The following THBS4 variants were observed in gnomAD, a reference collection of about 807,000 sequenced individuals.
THBS4 encodes the protein thrombospondin-4.
Under a neutral mutation model 115.7 loss-of-function variants are expected in THBS4, and 90 were observed. The ratio of observed to expected loss-of-function variants is 0.78; its 90% confidence interval spans 0.66 to 0.93. The LOEUF (loss-of-function observed/expected upper bound fraction) is 0.93. Among genes scored for constraint, THBS4 ranks in the 40% least tolerant of loss-of-function variants. The probability of loss-of-function intolerance (pLI) is 0.00; values close to 1 mark genes in which losing one functional copy is unlikely to be tolerated. For synonymous variants in THBS4, 460 were observed against 479.3 expected (o/e 0.96, Z 0.53); for missense variants, 1,087 against 1,232.7 (o/e 0.88, Z 1.77).
rs1561308157 is a variant in THBS4, at chr5:80,047,635, T to TA, written c.292+7355_292+7356insA. ...CCAGTCTGGGTAAAAAATTAAGAATTTTTTTTTTTTTTTTTTGAGACAGAG... is the reference window on the plus strand; with the variant it reads ...CCAGTCTGGGTAAAAAATTAAGAATTATTTTTTTTTTTTTTTTGAGACAGAG... On this transcript the variant is annotated intron_variant, in intron 2 of 21. Coordinates refer to ENST00000350881, the MANE Select transcript of THBS4 (RefSeq NM_003248.6). 1.0e-3 allele frequency among the ~76,000 whole-genome samples: 74 copies of TA among 72,752 alleles called. 1 individual carries two copies. In the East Asian group the frequency reaches 0.015, roughly 15 times the overall value. 47.7% of individuals were successfully genotyped at this position (72,752 alleles called of 152,430 possible).
At position 80,068,051 on chromosome 5, in the gene THBS4, A is replaced by G. The variant is rs376396297; in HGVS notation, c.1273A>G (p.Arg425Gly). The G allele has an allele frequency of 1.2e-6, 2 of 1,614,242 alleles. No homozygotes were observed. Among genetic ancestry groups the G allele is most frequent in the Non-Finnish European group, 1.7e-6 (2 of 1,180,040 alleles). The change falls in exon 10 of 22, where the codon AGA becomes GGA. Residue 425 changes from arginine to glycine, a missense_variant. Around this residue, in one of 3 missense-constraint regions of THBS4, gnomAD observed 979 missense variants for 1,103.7 expected, o/e 0.89. Transcript: ENST00000350881. Reference sequence around the variant, plus strand: ...GGGATGCAAAGCGGAAAGAAACTGCAGAAACCCAGAGCTGAACCCTTGCAG... The same window carrying G: ...GGGATGCAAAGCGGAAAGAAACTGCGGAAACCCAGAGCTGAACCCTTGCAG... ...IRGCKAERNC[R>G]NPELNPCSVN...
chr5:80,004,183 G>A (rs1419307235), intron 2 of THBS4, among the ~76,000 whole-genome samples: 1 of 152,184 alleles, frequency 6.6e-6, no homozygotes, highest in Non-Finnish European at 1.5e-5. Flanking sequence ...GGTTTTTCAG[G>A]TGTCATTCAG....
intron 2 of THBS4, among the ~76,000 whole-genome samples, chr5:80,020,673 A>G (rs1832353164): frequency 6.6e-6 from 1 of 152,112 alleles, no homozygotes; most frequent in Non-Finnish European, 1.5e-5. Context: ...CTGAATGAGG[A>G]AAGAACGTGG....
chr5:80,063,226 T>TCTAA (rs1385002423), intron 8 of THBS4, among the ~76,000 whole-genome samples: 7 of 152,232 alleles, frequency 4.6e-5, no homozygotes, highest in African/African-American at 1.7e-4. Flanking sequence ...TGATCGCCAT[T>TCTAA]CTAACTGGTG....
At chr5:80,066,914 A>G (rs912054513) in intron 9 of THBS4, 1 of 152,240 alleles carries the variant, frequency 6.6e-6, no homozygotes, top group Non-Finnish European at 1.5e-5. Flanking sequence ...AACTGATAGC[A>G]CAGCCAGGGA....
intron 9 of THBS4, chr5:80,067,123 A>AT (rs1833857149): frequency 6.6e-6 from 1 of 151,960 alleles, no homozygotes; most frequent in Non-Finnish European, 1.5e-5. Context: ...ATAATACTAT[A>AT]TTATATATAT....
intron 2 of THBS4, among the ~76,000 whole-genome samples, chr5:80,022,023 G>C (rs2151158835): frequency 6.6e-6 from 1 of 152,218 alleles, no homozygotes; most frequent in South Asian, 2.1e-4. Context: ...CCTACACTGA[G>C]GGTGCGACTC....
intron 1 of THBS4, among the ~76,000 whole-genome samples, chr5:80,038,166 A>C (rs1832776204): frequency 6.6e-6 from 1 of 152,180 alleles, no homozygotes; most frequent in Non-Finnish European, 1.5e-5. Flanking sequence ...TAAGCAAAAA[A>C]TAAAATAAAA....
intron 2 of THBS4, among the ~76,000 whole-genome samples, chr5:80,021,233 C>T (rs556836950): frequency 1.2e-4 from 18 of 152,242 alleles, no homozygotes; most frequent in Non-Finnish European, 1.9e-4. Context: ...AACTGCAAGT[C>T]CATGTGAAAC....
upstream of THBS4, chr5:80,033,287 G>A: frequency 2.9e-6 from 1 of 340,938 alleles, no homozygotes; most frequent in South Asian, 3.0e-5. Flanking sequence ...AGCAGCACGT[G>A]GTGCATTGTC....
intron 2 of THBS4, among the ~76,000 whole-genome samples, chr5:80,048,938 A>G (rs1561308789): frequency 6.6e-6 from 1 of 152,212 alleles, no homozygotes; most frequent in Non-Finnish European, 1.5e-5. Context: ...AGAAGAGGAA[A>G]GATTGACAAT....
chr5:79,996,261 G>C (rs1461371562), intron 1 of THBS4, among the ~76,000 whole-genome samples: 1 of 152,168 alleles, frequency 6.6e-6, no homozygotes, highest in Non-Finnish European at 1.5e-5. Context: ...ATAAATCAAG[G>C]GAGAGCCATG....
At chr5:80,041,460 C>G (rs1008790870) in intron 2 of THBS4, among the ~76,000 whole-genome samples, 1 of 152,186 alleles carries the variant, frequency 6.6e-6, no homozygotes, top group Non-Finnish European at 1.5e-5. Flanking sequence ...CTTATGTTCC[C>G]TTTGAAGCCA....
intron 20 of THBS4, chr5:80,080,337 G>A (rs893441791): frequency 2.3e-6 from 1 of 425,630 alleles, no homozygotes. Flanking sequence ...GCGTTGTGGG[G>A]TTGGTGCATT....
intron 15 of THBS4, 108 bp from the exon 16 acceptor site, chr5:80,076,747 C>T: frequency 8.4e-7 from 1 of 1,187,320 alleles, no homozygotes; most frequent in Non-Finnish European, 1.1e-6. Context: ...TTTTAAGAGC[C>T]AACCCTGGTT....
At chr5:80,073,386 G>GTTTTT in intron 15 of THBS4, 59 bp downstream of exon 15, 3 of 1,392,216 alleles carry the variant, frequency 2.2e-6, no homozygotes, top group Non-Finnish European at 2.9e-6. Flanking sequence ...AGGGTTTTTG[G>GTTTTT]TTTGTTTTTT....
intron 2 of THBS4, among the ~76,000 whole-genome samples, chr5:80,006,381 G>A (rs1408834173): frequency 2.0e-5 from 3 of 152,194 alleles, no homozygotes; most frequent in Non-Finnish European, 2.9e-5. Flanking sequence ...AGGGATTTCC[G>A]CTTTTGTGTC....
chr5:80,080,958 T>C (rs1270197659), intron 20 of THBS4, among the ~76,000 whole-genome samples: 2 of 152,172 alleles, frequency 1.3e-5, no homozygotes, highest in Non-Finnish European at 2.9e-5. Flanking sequence ...TGGCATGAAC[T>C]GATCATCATG....
intron 2 of THBS4, among the ~76,000 whole-genome samples, chr5:80,042,394 G>C (rs560683030): frequency 2.0e-5 from 3 of 152,120 alleles, no homozygotes; most frequent in African/African-American, 7.2e-5. Context: ...TTTTTCTTTC[G>C]GTTCATCCAG....
Sources: allele counts gnomAD v4.1 joint callset (sites outside exome capture counted in the v4.1 genomes callset), GRCh38; gene constraint gnomAD v4.1.1; regional missense constraint gnomAD v4.1.1; transcripts MANE v1.5; gene names NCBI Gene and HGNC (gene_info 2026-07-23, HGNC 2026-07-21).